The following GSAP variants were observed in gnomAD, a reference collection of about 807,000 sequenced individuals.
GSAP encodes the protein gamma-secretase-activating protein.
GSAP carries 118 observed loss-of-function variants against 131.7 expected under a neutral mutation model. That is an observed-to-expected ratio of 0.90 (90% CI 0.77 to 1.04). The LOEUF is 1.04. GSAP is among the 50% of genes least tolerant of loss of function. The probability of loss-of-function intolerance (pLI) is 0.00; values close to 1 mark genes in which losing one functional copy is unlikely to be tolerated. For synonymous variants in GSAP, 381 were observed against 363.4 expected (o/e 1.05, Z -0.55); for missense variants, 1,019 against 1,013.2 (o/e 1.01, Z -0.08).
At chr7:77,322,582 GTTTTTTTT>G (rs61272117) in intron 24 of GSAP, among the ~76,000 whole-genome samples, 3 of 125,170 alleles carry the variant, frequency 2.4e-5, no homozygotes, top group Non-Finnish European at 3.4e-5. Flanking sequence ...TGTGTTGTGA[GTTTTTTTT>G]TTTTTTTTTT....
chr7:77,343,586 C>G (rs976007500), intron 19 of GSAP, among the ~76,000 whole-genome samples: 6 of 152,188 alleles, frequency 3.9e-5, no homozygotes, highest in African/African-American at 1.4e-4. Context: ...TCCCATCGCT[C>G]AAGGCAACGC....
At chr7:77,366,560 T>TG (rs1210073235) in intron 12 of GSAP, among the ~76,000 whole-genome samples, 1 of 152,210 alleles carries the variant, frequency 6.6e-6, no homozygotes, top group African/African-American at 2.4e-5. Context: ...GCCTTATTTC[T>TG]GGGTTCGCTA....
chr7:77,414,844 C>CTTTTTTTTTTTTTTTTTT lies in GSAP; in HGVS notation c.109+1351_109+1368dup, dbSNP rs57095326. 3.8e-4 allele frequency among the ~76,000 whole-genome samples: 23 copies of CTTTTTTTTTTTTTTTTTT among 59,874 alleles called. 5 individuals carry two copies. Among genetic ancestry groups the CTTTTTTTTTTTTTTTTTT allele is most frequent in the African/African-American group, 1.4e-3 (19 of 13,528 alleles). 39.3% of individuals were successfully genotyped at this position (59,874 alleles called of 152,430 possible). A position where few individuals can be genotyped will look rare whatever the true frequency, so the allele number is the denominator to read the frequency against. On this transcript the variant is annotated intron_variant, in intron 1 of 30. Transcript: ENST00000257626. ...AAAAACTTTTCAGACATGTGGGCGA[C>CTTTTTTTTTTTTTTTTTT]TTTTTTTTTTTTTTTTTTTTTTTTT...
In GSAP at chr7:77,329,317, C is replaced by T; in HGVS notation, c.1733+16G>A. On this transcript the variant is annotated intron_variant, in intron 21 of 30. Coordinates refer to ENST00000257626, the MANE Select transcript of GSAP (RefSeq NM_017439.4). ...TCAACCATCTTACAGATATGATAAC[C>T]TCTGCTTTCACTTACTTTACTGCAT... 6.9e-7 allele frequency: 1 copy of T among 1,439,426 alleles called. No individual in the cohort carries two copies. Among genetic ancestry groups the T allele is most frequent in the Non-Finnish European group, 9.5e-7 (1 of 1,048,252 alleles). The allele number at this position is 1,439,426 out of a possible 1,614,324, so 89.2% of individuals were successfully genotyped here.
chr7:77,390,240 T>C (rs1466679560), intron 5 of GSAP, among the ~76,000 whole-genome samples: 2 of 152,188 alleles, frequency 1.3e-5, no homozygotes. Context: ...AGGTTGCCTG[T>C]TCACTCTGAT....
chr7:77,416,122 C>G, intron 1 of GSAP, 91 bp downstream of exon 1: 1 of 715,460 alleles, frequency 1.4e-6, no homozygotes, highest in Admixed American at 4.2e-5. Flanking sequence ...GCGGCGACGC[C>G]CCGGGTTGCT....
At chr7:77,394,298 C>G (rs1375529602) in intron 5 of GSAP, among the ~76,000 whole-genome samples, 1 of 152,198 alleles carries the variant, frequency 6.6e-6, no homozygotes, top group Non-Finnish European at 1.5e-5. Flanking sequence ...CTTGTTCACT[C>G]CACTCATCTC....
Position 77,323,607 on chromosome 7 carries a change from G to A in GSAP, c.1923+40C>T, listed in dbSNP as rs202238993. On this transcript the variant is annotated intron_variant, in intron 24 of 30. Transcript: ENST00000257626. Reference sequence around the variant, plus strand: ...ATTTTCAGAACTATATGGGGAGTGGGGTGAAGGGGCATATGAGGAGAATAA... The same window carrying A: ...ATTTTCAGAACTATATGGGGAGTGGAGTGAAGGGGCATATGAGGAGAATAA... The A allele has an allele frequency of 1.5e-3, 1,438 of 956,126 alleles. 4 individuals carry two copies. The highest frequency in any genetic ancestry group is 2.1e-3 in the Non-Finnish European group (1,245 of 599,940). 59.2% of individuals were successfully genotyped at this position (956,126 alleles called of 1,614,324 possible).
chr7:77,416,531 C>T, upstream of GSAP: 1 of 398,058 alleles, frequency 2.5e-6, no homozygotes, highest in African/African-American at 2.1e-5. Context: ...GGAGCCGGAG[C>T]CGGGCACGGC....
intron 7 of GSAP, 108 bp from the exon 8 acceptor site, chr7:77,381,462 C>T: frequency 1.9e-6 from 1 of 526,844 alleles, no homozygotes; most frequent in South Asian, 3.1e-5. Context: ...GCAGATTGAA[C>T]AACTGGCCAG....
At chr7:77,386,856 A>G (rs941742333) in intron 6 of GSAP, among the ~76,000 whole-genome samples, 1 of 152,248 alleles carries the variant, frequency 6.6e-6, no homozygotes, top group African/African-American at 2.4e-5. Flanking sequence ...TGTATCTGCA[A>G]ATAACTGACG....
At chr7:77,354,035 G>A (rs1189657720) in intron 16 of GSAP, among the ~76,000 whole-genome samples, 2 of 152,194 alleles carry the variant, frequency 1.3e-5, no homozygotes, top group Non-Finnish European at 2.9e-5. Flanking sequence ...GCTGGGTCCT[G>A]GGTGTGAATA....
Position 77,312,186 on chromosome 7 carries a change from ATCT to A in GSAP, c.2285_2287del (p.Lys762del), listed in dbSNP as rs1437708063. 1 of 1,595,182 alleles carries A rather than the reference ATCT, an allele frequency of 6.3e-7. No homozygotes were observed. ...CATAGGATGATCCCAAAGTCTACAA[ATCT>A]TCTGCCCAATAAGCTATTATGCAAA... On this transcript the variant is annotated inframe_deletion, in exon 29 of 31. Coordinates refer to ENST00000257626, the MANE Select transcript of GSAP (RefSeq NM_017439.4).
chr7:77,401,374 G>C (rs867476520), intron 3 of GSAP, among the ~76,000 whole-genome samples: 2 of 151,920 alleles, frequency 1.3e-5, no homozygotes, highest in African/African-American at 4.8e-5. Context: ...CATCTATATG[G>C]GGGGGAGAAA....
At chr7:77,326,944 T>C (rs1788401101) in intron 22 of GSAP, 1 of 152,212 alleles carries the variant, frequency 6.6e-6, no homozygotes. Context: ...TCTTAAATAC[T>C]TGAGATCCAG....
At chr7:77,370,909 A>G (rs1271963126) in intron 12 of GSAP, among the ~76,000 whole-genome samples, 1 of 151,966 alleles carries the variant, frequency 6.6e-6, no homozygotes, top group Non-Finnish European at 1.5e-5. Flanking sequence ...ACAATACCAT[A>G]CTTGTTTTGG....
At chr7:77,361,899 T>C (rs563956277) in intron 13 of GSAP, among the ~76,000 whole-genome samples, 27 of 152,286 alleles carry the variant, frequency 1.8e-4, no homozygotes, top group African/African-American at 4.3e-4. Flanking sequence ...CTAAAACCTG[T>C]TGAGGTCTGA....
Position 77,416,073 on chromosome 7 carries a change from TGAG to T in GSAP, c.109+137_109+139del, listed in dbSNP as rs1441505232. On this transcript the variant is annotated intron_variant, in intron 1 of 30. Coordinates refer to ENST00000257626, the MANE Select transcript of GSAP (RefSeq NM_017439.4). ...GGGTGGCAAAGCCAAAACAGCCCTC[TGAG>T]GAGGGGAGCGACGCCCTCGCACCAG... is the stretch of plus-strand genomic sequence containing the variant. 9.8e-6 allele frequency: 5 copies of T among 508,156 alleles called. No homozygotes were observed. In the East Asian group the frequency reaches 1.1e-4, roughly 11 times the overall value. 31.5% of individuals were successfully genotyped at this position (508,156 alleles called of 1,614,324 possible).
At chr7:77,371,230 T>C (rs1796073032) in intron 12 of GSAP, among the ~76,000 whole-genome samples, 1 of 152,188 alleles carries the variant, frequency 6.6e-6, no homozygotes, top group Non-Finnish European at 1.5e-5. Context: ...CATTTGCTGA[T>C]GCCAGAAACC....
Sources: allele counts gnomAD v4.1 joint callset (sites outside exome capture counted in the v4.1 genomes callset), GRCh38; gene constraint gnomAD v4.1.1; transcripts MANE v1.5; gene names NCBI Gene and HGNC (gene_info 2026-07-23, HGNC 2026-07-21).